The following ZFHX3 variants were observed in gnomAD, a reference collection of about 807,000 sequenced individuals.
The protein encoded by ZFHX3 is zinc finger homeobox protein 3.
Under a neutral mutation model 279.1 loss-of-function variants are expected in ZFHX3, and 42 were observed. The observed-to-expected ratio is 0.15, with a 90% CI of 0.12 to 0.19. The LOEUF (loss-of-function observed/expected upper bound fraction) is 0.19. Ranked by LOEUF, ZFHX3 falls within the 10% of genes least tolerant of loss-of-function variation. The pLI, the probability that ZFHX3 is intolerant of heterozygous loss-of-function variation, is 1.00. For missense variants in ZFHX3, 4,981 were observed against 4,754.0 expected (o/e 1.05, Z -1.40); for synonymous variants, 2,293 against 1,957.8 (o/e 1.17, Z -4.52).
At chr16:73,389,580 C>A (rs1477402) in intron 3 of ZFHX3, among the ~76,000 whole-genome samples, 3 of 152,040 alleles carry the variant, frequency 2.0e-5, no homozygotes, top group African/African-American at 7.3e-5. Context: ...CTGTGGACGT[C>A]TCATCTCTCT....
At chr16:73,039,504 GCAGA>G (rs1965035394) in intron 1 of ZFHX3, among the ~76,000 whole-genome samples, 1 of 152,146 alleles carries the variant, frequency 6.6e-6, no homozygotes, top group South Asian at 2.1e-4. Flanking sequence ...GGCAATTCCT[GCAGA>G]CATTTTTGAT....
intron 2 of ZFHX3, among the ~76,000 whole-genome samples, chr16:73,594,884 A>G (rs2052033044): frequency 1.3e-5 from 2 of 152,090 alleles, no homozygotes; most frequent in Admixed American, 1.3e-4. Flanking sequence ...ATATTTGTGT[A>G]TGGTCTGAGT....
intron 2 of ZFHX3, among the ~76,000 whole-genome samples, chr16:73,676,681 A>G (rs1005980913): frequency 1.3e-5 from 2 of 151,994 alleles, no homozygotes; most frequent in Admixed American, 6.6e-5. Context: ...AGACTAGAAG[A>G]CTGAGTCACA....
At chr16:73,444,494 A>C (rs1298263879) in intron 3 of ZFHX3, among the ~76,000 whole-genome samples, 2 of 152,258 alleles carry the variant, frequency 1.3e-5, no homozygotes, top group Non-Finnish European at 2.9e-5. Context: ...AAGGTCAGAT[A>C]GTTCACACAG....
chr16:73,155,574 G>C (rs1158048156), intron 5 of ZFHX3, among the ~76,000 whole-genome samples: 4 of 152,166 alleles, frequency 2.6e-5, no homozygotes, highest in Admixed American at 2.6e-4. Flanking sequence ...TATAATCCCA[G>C]CACTTTGGGA....
chr16:72,957,376 C>CAGA (rs749789290), intron 2 of ZFHX3, 51 bp downstream of exon 2: 1 of 1,542,098 alleles, frequency 6.5e-7, no homozygotes, highest in Non-Finnish European at 8.7e-7. Context: ...TCACCATTCT[C>CAGA]CCTGGTTAAA....
At chr16:73,139,921 C>A (rs1478671852) in intron 6 of ZFHX3, among the ~76,000 whole-genome samples, 3 of 152,176 alleles carry the variant, frequency 2.0e-5, no homozygotes, top group Non-Finnish European at 4.4e-5. Context: ...CGTACTGGTT[C>A]TCAATCTCTC....
intron 1 of ZFHX3, among the ~76,000 whole-genome samples, chr16:73,803,974 T>C (rs8056623): frequency 0.02 from 3,092 of 152,142 alleles, 105 homozygotes; most frequent in African/African-American, 0.07. Flanking sequence ...CTGGGCAACA[T>C]GGCAAAACCG....
chr16:73,222,198 T>C (rs1302052878), intron 5 of ZFHX3, among the ~76,000 whole-genome samples: 2 of 152,022 alleles, frequency 1.3e-5, no homozygotes, highest in Non-Finnish European at 2.9e-5. Flanking sequence ...CTGATATGAG[T>C]GTTATACATT....
At chr16:73,520,382 A>G (rs2019591189) in intron 2 of ZFHX3, among the ~76,000 whole-genome samples, 1 of 152,228 alleles carries the variant, frequency 6.6e-6, no homozygotes, top group South Asian at 2.1e-4. Context: ...AGCCTAGCAA[A>G]CTTAAGTTTT....
intron 3 of ZFHX3, among the ~76,000 whole-genome samples, chr16:73,336,963 T>A (rs1413044419): frequency 6.6e-6 from 1 of 152,124 alleles, no homozygotes; most frequent in Non-Finnish European, 1.5e-5. Context: ...TCAGAAAGAT[T>A]TAAGGCAGAC....
chr16:72,811,764 G>A lies in ZFHX3; in HGVS notation c.3677C>T (p.Pro1226Leu), dbSNP rs1256543058. 6.2e-7 allele frequency: 1 copy of A among 1,613,674 alleles called. No individual in the cohort carries two copies. The change falls in exon 7 of 10, where the codon CCC (proline) becomes CTC (leucine). Residue 1226 changes from proline to leucine, a missense_variant. Coordinates refer to ENST00000268489, the MANE Select transcript of ZFHX3 (RefSeq NM_006885.4). ...EIKPEQMYQC[P>L]YCKYSNADVN... The stretch of plus-strand genomic sequence containing the variant: ...ATCGGCATTACTGTACTTGCAGTAG[G>A]GACACTGGTACATCTGTGGGGAACA...
intron 5 of ZFHX3, among the ~76,000 whole-genome samples, chr16:73,220,974 T>C (rs958991709): frequency 6.6e-6 from 1 of 152,080 alleles, no homozygotes; most frequent in Non-Finnish European, 1.5e-5. Context: ...TTATCCTATA[T>C]GGGGAAAGCT....
chr16:73,779,274 T>C (rs1262482549), intron 1 of ZFHX3, among the ~76,000 whole-genome samples: 2 of 152,194 alleles, frequency 1.3e-5, no homozygotes, highest in Admixed American at 1.3e-4. Flanking sequence ...AATCAGTAAA[T>C]ACAATAATGC....
chr16:73,579,283 C>T (rs1267047794), intron 2 of ZFHX3, among the ~76,000 whole-genome samples: 1 of 152,100 alleles, frequency 6.6e-6, no homozygotes. Flanking sequence ...CTGATTGATG[C>T]CTATGTCTCT....
In ZFHX3 at chr16:73,682,882, G is replaced by GAAAGA. The variant is rs1184229153; in HGVS notation, c.-1607-2647_-1607-2643dup. Among the ~76,000 whole-genome samples the GAAAGA allele has an allele frequency of 1.4e-3, 64 of 44,728 alleles. 3 individuals are homozygous for GAAAGA. The highest frequency in any genetic ancestry group is 4.8e-3 in the African/African-American group (59 of 12,266). The allele number at this position is 44,728 out of a possible 152,430, so 29.3% of individuals were successfully genotyped here. A position where few individuals can be genotyped will look rare whatever the true frequency, so the allele number is the denominator to read the frequency against. Reference sequence around the variant, plus strand: ...AGAAAGAAAGAAAGAAAGAAAGAAAGAAAGAAAGAAAGAAAGAAAGAAAGA... The same window carrying GAAAGA: ...AGAAAGAAAGAAAGAAAGAAAGAAAGAAAGAAAAGAAAGAAAGAAAGAAAGAAAGA... On this transcript the variant is annotated intron_variant, in intron 1 of 17. Transcript: ENST00000641206.
intron 3 of ZFHX3, among the ~76,000 whole-genome samples, chr16:72,907,753 G>A (rs377061714): frequency 1.3e-4 from 19 of 150,466 alleles, no homozygotes; most frequent in African/African-American, 3.4e-4. Context: ...GCAGGATCTC[G>A]GCTCACTGCT....
chr16:73,793,848 C>A (rs972240665), intron 1 of ZFHX3, among the ~76,000 whole-genome samples: 2 of 152,228 alleles, frequency 1.3e-5, no homozygotes, highest in Middle Eastern at 3.4e-3. Flanking sequence ...GGATACTGTA[C>A]CTTTAACCTT....
At chr16:73,114,483 C>G (rs1224083991) in intron 7 of ZFHX3, among the ~76,000 whole-genome samples, 2 of 151,822 alleles carry the variant, frequency 1.3e-5, no homozygotes, top group Non-Finnish European at 2.9e-5. Flanking sequence ...TAAGACCAAC[C>G]TGGGCAACAT....
Sources: allele counts gnomAD v4.1 joint callset (sites outside exome capture counted in the v4.1 genomes callset), GRCh38; gene constraint gnomAD v4.1.1; transcripts MANE v1.5; gene names NCBI Gene and HGNC (gene_info 2026-07-23, HGNC 2026-07-21).